Variants in CSMD1 observed in about 807,000 individuals in gnomAD.
CSMD1 encodes the protein CUB and sushi domain-containing protein 1.
In CSMD1, 213 loss-of-function variants were observed where a neutral mutation model predicts 417.5. The observed-to-expected ratio is 0.51, with a 90% CI of 0.46 to 0.57. CSMD1 has a LOEUF of 0.57. Among genes scored for constraint, CSMD1 ranks in the 20% least tolerant of loss-of-function variants. The pLI is 0.00. For synonymous variants in CSMD1, 2,862 were observed against 1,736.8 expected, an observed-to-expected ratio of 1.65 and a Z score of -16.11; for missense variants, 6,923 against 4,529.7, an observed-to-expected ratio of 1.53 and a Z score of -15.17.
intron 1 of CSMD1, among the ~76,000 whole-genome samples, chr8:4,675,300 G>C (rs974586793): frequency 1.3e-5 from 2 of 152,186 alleles, no homozygotes; most frequent in Non-Finnish European, 2.9e-5. Flanking sequence ...GGAGCCTAAA[G>C]AGAGTTATCA....
intron 2 of CSMD1, among the ~76,000 whole-genome samples, chr8:4,501,886 G>A (rs1415110030): frequency 1.3e-5 from 2 of 152,074 alleles, no homozygotes; most frequent in Admixed American, 1.3e-4. Flanking sequence ...AGGCTTTGGT[G>A]CTGTCAAAGG....
At chr8:4,247,423 T>G in intron 3 of CSMD1, among the ~76,000 whole-genome samples, 1 of 152,188 alleles carries the variant, frequency 6.6e-6, no homozygotes, top group East Asian at 1.9e-4. Context: ...GTTCTCCTGC[T>G]GTGTCACTCA....
chr8:3,054,912 T>C (rs928633096), intron 49 of CSMD1, among the ~76,000 whole-genome samples: 1 of 152,244 alleles, frequency 6.6e-6, no homozygotes, highest in Non-Finnish European at 1.5e-5. Context: ...ATTTCCTGAA[T>C]GCAGTAAATG....
At chr8:3,198,130 T>C (rs890877202) in intron 33 of CSMD1, among the ~76,000 whole-genome samples, 1 of 152,244 alleles carries the variant, frequency 6.6e-6, no homozygotes, top group East Asian at 1.9e-4. Flanking sequence ...TAAATAAGCA[T>C]AATTTTTAAA....
intron 10 of CSMD1, among the ~76,000 whole-genome samples, chr8:3,540,586 T>G (rs1798396090): frequency 6.6e-6 from 1 of 151,972 alleles, no homozygotes. Context: ...ATCATCTGAG[T>G]GAACAGACAA....
At chr8:3,438,175 T>G (rs1265650122) in intron 12 of CSMD1, among the ~76,000 whole-genome samples, 1 of 152,192 alleles carries the variant, frequency 6.6e-6, no homozygotes. Context: ...TTTAACAAAT[T>G]TTTGAATTTT....
chr8:4,354,409 C>G (rs942378659), intron 3 of CSMD1, among the ~76,000 whole-genome samples: 1 of 152,158 alleles, frequency 6.6e-6, no homozygotes, highest in African/African-American at 2.4e-5. Context: ...CGTTCCCCAA[C>G]AGAACTGAAA....
intron 3 of CSMD1, among the ~76,000 whole-genome samples, chr8:4,179,537 A>G (rs1184520668): frequency 6.6e-6 from 1 of 150,680 alleles, no homozygotes; most frequent in African/African-American, 2.5e-5. Flanking sequence ...TCATGTCTAA[A>G]ACACCAAAAG....
chr8:4,372,082 G>T (rs1488773942), intron 3 of CSMD1, among the ~76,000 whole-genome samples: 1 of 152,232 alleles, frequency 6.6e-6, no homozygotes, highest in Non-Finnish European at 1.5e-5. Flanking sequence ...TGAGGTGGAA[G>T]AAAAGCCCTT....
At chr8:3,132,462 A>T (rs1388714526) in intron 41 of CSMD1, among the ~76,000 whole-genome samples, 1 of 152,166 alleles carries the variant, frequency 6.6e-6, no homozygotes, top group East Asian at 1.9e-4. Context: ...AAATAATTAA[A>T]CACTGATCTA....
intron 1 of CSMD1, among the ~76,000 whole-genome samples, chr8:4,785,790 T>C (rs1162854655): frequency 6.6e-6 from 1 of 152,184 alleles, no homozygotes; most frequent in Non-Finnish European, 1.5e-5. Context: ...CCTTATAAGA[T>C]ATAAGTGTTG....
chr8:3,339,023 C>A (rs936067080), intron 23 of CSMD1, among the ~76,000 whole-genome samples: 5 of 128,058 alleles, frequency 3.9e-5, no homozygotes, highest in Non-Finnish European at 7.8e-5. Context: ...GTGTGATATT[C>A]CCCTTCCTGT....
intron 3 of CSMD1, among the ~76,000 whole-genome samples, chr8:4,058,871 T>C (rs967645834): frequency 1.5e-4 from 22 of 151,612 alleles, no homozygotes; most frequent in African/African-American, 5.1e-4. Flanking sequence ...CTGTCAACAT[T>C]AGACAGATCA....
chr8:3,836,104 TA>T (rs1396672581), intron 5 of CSMD1, among the ~76,000 whole-genome samples: 2 of 152,194 alleles, frequency 1.3e-5, no homozygotes, highest in Non-Finnish European at 2.9e-5. Context: ...TTTACCTATG[TA>T]AAACCACCTC....
intron 11 of CSMD1, among the ~76,000 whole-genome samples, chr8:3,489,516 G>C (rs112862831): frequency 6.6e-6 from 1 of 152,112 alleles, no homozygotes; most frequent in African/African-American, 2.4e-5. Context: ...AATCAAATTC[G>C]AGAACAGTCT....
chr8:4,462,197 C>T (rs904215380), intron 2 of CSMD1, among the ~76,000 whole-genome samples: 3 of 152,010 alleles, frequency 2.0e-5, no homozygotes, highest in East Asian at 1.9e-4. Context: ...TGTATTTATC[C>T]ACAATAGTAA....
chr8:3,335,464 G>T (rs1185314291), intron 23 of CSMD1, among the ~76,000 whole-genome samples: 2 of 152,162 alleles, frequency 1.3e-5, no homozygotes, highest in Non-Finnish European at 2.9e-5. Flanking sequence ...GATCATCTGA[G>T]GTCGGGAGAT....
chr8:3,664,735 G>A (rs934055722), intron 7 of CSMD1, among the ~76,000 whole-genome samples: 1 of 152,178 alleles, frequency 6.6e-6, no homozygotes, highest in African/African-American at 2.4e-5. Context: ...AATATCTAAT[G>A]AAGATGTCCA....
chr8:4,809,122 G>A (rs988686519), intron 1 of CSMD1, among the ~76,000 whole-genome samples: 3 of 152,144 alleles, frequency 2.0e-5, no homozygotes, highest in Admixed American at 1.3e-4. Flanking sequence ...ACCAATAAAA[G>A]GAGCCATAGC....
Sources: allele counts gnomAD v4.1 joint callset (sites outside exome capture counted in the v4.1 genomes callset), GRCh38; gene constraint gnomAD v4.1.1; transcripts MANE v1.5; gene names NCBI Gene and HGNC (gene_info 2026-07-23, HGNC 2026-07-21).